The following NRXN1 variants were observed in gnomAD, a reference collection of about 807,000 sequenced individuals.
The protein encoded by NRXN1 is neurexin-1.
NRXN1 carries 39 observed loss-of-function variants against 150.9 expected under a neutral mutation model. The ratio of observed to expected loss-of-function variants is 0.26; its 90% CI spans 0.20 to 0.34. NRXN1 has a LOEUF of 0.34. Ranked by LOEUF, NRXN1 falls within the 10% of genes least tolerant of loss-of-function variation. The pLI is 1.00. For synonymous variants in NRXN1, 924 were observed against 757.0 expected (o/e 1.22, Z -3.62); for missense variants, 1,815 against 1,949.9 (o/e 0.93, Z 1.30).
intron 5 of NRXN1, among the ~76,000 whole-genome samples, chr2:50,652,084 A>C (rs1685722032): frequency 6.6e-6 from 1 of 151,994 alleles, no homozygotes; most frequent in East Asian, 1.9e-4. Context: ...GAGAGGTAGC[A>C]TCAAAGGTTT....
chr2:50,236,562 G>A lies in NRXN1; in HGVS notation c.3546+227C>T, dbSNP rs11889906. Among the ~76,000 whole-genome samples, 18,784 of 136,188 alleles carry A rather than the reference G, an allele frequency of 0.14. 1,324 individuals are homozygous for A. The highest frequency in any genetic ancestry group is 0.18 in the African/African-American group (6,550 of 35,724). 89.3% of individuals were successfully genotyped at this position (136,188 alleles called of 152,430 possible). On this transcript the variant is annotated intron_variant, in intron 18 of 22. Coordinates refer to ENST00000401669, the MANE Select transcript of NRXN1 (RefSeq NM_001330078.2). ...AAAATTATTTTGAACACAGAATTAA[G>A]AGGAATTCACACTCCAAAAAAAAAA...
chr2:50,468,419 T>C (rs1428741692), intron 16 of NRXN1, among the ~76,000 whole-genome samples: 1 of 151,572 alleles, frequency 6.6e-6, no homozygotes, highest in Admixed American at 6.6e-5. Context: ...CAAGACACAT[T>C]TTTCAAAGTA....
At chr2:50,273,220 T>C (rs1558425375) in intron 17 of NRXN1, among the ~76,000 whole-genome samples, 1 of 152,152 alleles carries the variant, frequency 6.6e-6, no homozygotes, top group South Asian at 2.1e-4. Context: ...AATTTGGCAA[T>C]CTACCAAAAT....
At chr2:50,233,883 T>C (rs565888981) in intron 18 of NRXN1, among the ~76,000 whole-genome samples, 3 of 152,202 alleles carry the variant, frequency 2.0e-5, no homozygotes, top group South Asian at 4.1e-4. Context: ...CAAAGATACC[T>C]AAATAATTTG....
intron 19 of NRXN1, among the ~76,000 whole-genome samples, chr2:50,078,360 C>G (rs1697397855): frequency 6.8e-6 from 1 of 146,314 alleles, no homozygotes; most frequent in African/African-American, 2.5e-5. Flanking sequence ...GAAACCATTT[C>G]TAAACTCTTA....
rs547472276 is a variant in NRXN1, at chr2:50,114,199, G to T, written c.3547-22705C>A. Among the ~76,000 whole-genome samples the T allele has an allele frequency of 3.3e-5, 5 of 152,144 alleles. No homozygotes were observed. The East Asian group carries it at 9.7e-4, about 29-fold the overall frequency. On this transcript the variant is annotated intron_variant, in intron 18 of 22. Transcript: ENST00000401669. ...GAAAACAAGATAGATTTAAAAATGG[G>T]CAAAATATCTGAAATTACCAAAATG... is the stretch of plus-strand genomic sequence containing the variant.
At chr2:50,771,092 C>G (rs1345573588) in intron 5 of NRXN1, among the ~76,000 whole-genome samples, 5 of 151,988 alleles carry the variant, frequency 3.3e-5, no homozygotes, top group Admixed American at 3.3e-4. Context: ...TACTTTAGAG[C>G]TAACTGAGAC....
At chr2:50,935,664 T>C (rs1574977696) in intron 2 of NRXN1, among the ~76,000 whole-genome samples, 1 of 151,838 alleles carries the variant, frequency 6.6e-6, no homozygotes, top group Non-Finnish European at 1.5e-5. Context: ...GAGGCGGAGG[T>C]TGCAGTGAGC....
chr2:50,913,861 T>C (rs567351325), intron 5 of NRXN1, among the ~76,000 whole-genome samples: 53 of 151,872 alleles, frequency 3.5e-4, no homozygotes, highest in Non-Finnish European at 5.6e-4. Flanking sequence ...GCTATTATTA[T>C]ACATGTGGCT....
At chr2:50,218,491 T>TTC (rs2152853635) in intron 18 of NRXN1, among the ~76,000 whole-genome samples, 1 of 47,026 alleles carries the variant, frequency 2.1e-5, no homozygotes, top group African/African-American at 8.1e-5. Context: ...TAGCACCTTC[T>TTC]TTTTTTTTTT....
intron 8 of NRXN1, among the ~76,000 whole-genome samples, chr2:50,604,968 G>T (rs920773428): frequency 1.3e-5 from 2 of 152,226 alleles, no homozygotes; most frequent in Non-Finnish European, 2.9e-5. Flanking sequence ...TCCCAAGGAG[G>T]ATACATAACT....
At chr2:50,874,617 T>A (rs1574789512) in intron 5 of NRXN1, among the ~76,000 whole-genome samples, 4 of 151,960 alleles carry the variant, frequency 2.6e-5, no homozygotes, top group Admixed American at 2.6e-4. Context: ...ATAAAAGTAA[T>A]AAAACTTTTT....
chr2:50,720,457 C>T (rs765770965), intron 5 of NRXN1, among the ~76,000 whole-genome samples: 12 of 152,190 alleles, frequency 7.9e-5, no homozygotes, highest in East Asian at 3.9e-4. Context: ...CCTTAAGGGG[C>T]GCCTCCCCAG....
intron 18 of NRXN1, among the ~76,000 whole-genome samples, chr2:50,192,821 A>T (rs1574422330): frequency 6.6e-6 from 1 of 152,072 alleles, no homozygotes; most frequent in African/African-American, 2.4e-5. Flanking sequence ...TGTTGGCCAG[A>T]CTGGTCTCAA....
chr2:50,570,095 C>T (rs1403560707), intron 8 of NRXN1, among the ~76,000 whole-genome samples: 1 of 152,108 alleles, frequency 6.6e-6, no homozygotes, highest in East Asian at 1.9e-4. Context: ...TCTCTAATGC[C>T]TCTACTGTAG....
intron 18 of NRXN1, among the ~76,000 whole-genome samples, chr2:50,186,540 A>T (rs1050411129): frequency 1.3e-5 from 2 of 152,108 alleles, no homozygotes; most frequent in African/African-American, 4.8e-5. Flanking sequence ...AGATGAGTAG[A>T]TTCTTCTATA....
intron 17 of NRXN1, among the ~76,000 whole-genome samples, chr2:50,388,213 G>A (rs551450754): frequency 3.9e-4 from 59 of 152,266 alleles, no homozygotes; most frequent in Admixed American, 1.2e-3. Flanking sequence ...ATACAGTGAA[G>A]TAAAATAGAC....
intron 17 of NRXN1, among the ~76,000 whole-genome samples, chr2:50,423,482 G>C (rs2104283584): frequency 6.6e-6 from 1 of 152,184 alleles, no homozygotes; most frequent in Admixed American, 6.5e-5. Flanking sequence ...ACACAAAGAA[G>C]TCACCTTAAG....
At chr2:50,192,646 A>T (rs1194462992) in intron 18 of NRXN1, among the ~76,000 whole-genome samples, 1 of 152,058 alleles carries the variant, frequency 6.6e-6, no homozygotes, top group Non-Finnish European at 1.5e-5. Flanking sequence ...CTGCCCTGTC[A>T]CCCAGGCTAG....
Sources: gnomAD v4.1 joint callset for allele counts (sites outside exome capture counted in the v4.1 genomes callset) on GRCh38, gnomAD v4.1.1 for gene constraint, MANE v1.5 for transcripts, NCBI Gene and HGNC (gene_info 2026-07-23, HGNC 2026-07-21) for gene names.